Variants in SLC4A4 observed in about 807,000 individuals in gnomAD.
SLC4A4 encodes the protein electrogenic sodium bicarbonate cotransporter 1.
Under a neutral mutation model 111.5 loss-of-function variants are expected in SLC4A4, and 27 were observed. The ratio of observed to expected loss-of-function variants is 0.24; its 90% CI spans 0.18 to 0.33. The LOEUF (loss-of-function observed/expected upper bound fraction) is 0.33, where lower values mean the gene tolerates loss of function less well. Among genes scored for constraint, SLC4A4 ranks in the 10% least tolerant of loss-of-function variants. SLC4A4 has a pLI of 1.00. For synonymous variants in SLC4A4, 443 were observed against 463.4 expected (o/e 0.96, Z 0.57); for missense variants, 909 against 1,315.5 (o/e 0.69, Z 4.78).
chr4:71,479,916 G>A (rs901723723), intron 14 of SLC4A4, among the ~76,000 whole-genome samples: 11 of 151,514 alleles, frequency 7.3e-5, no homozygotes, highest in Non-Finnish European at 1.3e-4. Context: ...AAGCAGATTT[G>A]TAAAAGTTTC....
intron 2 of SLC4A4, among the ~76,000 whole-genome samples, chr4:71,112,302 C>G (rs1272290189): frequency 1.3e-5 from 2 of 152,202 alleles, no homozygotes; most frequent in Admixed American, 6.5e-5. Flanking sequence ...CTATTTGCGT[C>G]ATAGGAGTTT....
At chr4:71,479,161 C>A (rs1038383397) in intron 14 of SLC4A4, among the ~76,000 whole-genome samples, 3 of 151,682 alleles carry the variant, frequency 2.0e-5, no homozygotes, top group African/African-American at 7.3e-5. Flanking sequence ...TCCAGGAGAA[C>A]ATGCTTAACA....
chr4:71,238,680 C>A (rs915101240), intron 2 of SLC4A4, among the ~76,000 whole-genome samples: 3 of 152,120 alleles, frequency 2.0e-5, no homozygotes, highest in Non-Finnish European at 4.4e-5. Context: ...TTGTGGGTAA[C>A]TTTCAACAGT....
chr4:71,308,453 G>T (rs1203610052), intron 3 of SLC4A4, among the ~76,000 whole-genome samples: 2 of 152,148 alleles, frequency 1.3e-5, no homozygotes, highest in African/African-American at 4.8e-5. Flanking sequence ...AATAGGAAGA[G>T]CTCCAGTCTG....
chr4:71,066,441 C>T (rs1047766894), intron 1 of SLC4A4, among the ~76,000 whole-genome samples: 2 of 152,046 alleles, frequency 1.3e-5, no homozygotes, highest in Admixed American at 6.6e-5. Flanking sequence ...ATTCCCTTTC[C>T]GTGATAACAC....
intron 6 of SLC4A4, among the ~76,000 whole-genome samples, chr4:71,376,156 TACACACACACAC>T (rs146405766): frequency 2.2e-4 from 30 of 135,550 alleles, no homozygotes; most frequent in Non-Finnish European, 3.3e-4. Flanking sequence ...CCTGTATATA[TACACACACACAC>T]ACACACACAC....
chr4:71,568,627 A>C lies in SLC4A4; in HGVS notation c.*876A>C, dbSNP rs1737703159. On this transcript the variant is annotated 3_prime_UTR_variant, in exon 26 of 26. Coordinates refer to ENST00000264485, the MANE Select transcript of SLC4A4 (RefSeq NM_001098484.3). ...GCCACTTATTTTTTGTCAATTTTTA[A>C]AACTTTTTTTTAATTACTGTAAAGA... is the stretch of plus-strand genomic sequence containing the variant. The C allele has an allele frequency of 6.6e-6, 1 of 152,038 alleles. No homozygotes were observed. Among genetic ancestry groups the C allele is most frequent in the African/African-American group, 2.4e-5 (1 of 41,344 alleles). 9.4% of individuals were successfully genotyped at this position (152,038 alleles called of 1,614,324 possible).
intron 2 of SLC4A4, among the ~76,000 whole-genome samples, chr4:71,179,325 A>G (rs1176708742): frequency 6.6e-6 from 1 of 152,176 alleles, no homozygotes; most frequent in East Asian, 1.9e-4. Flanking sequence ...CACCACTCCT[A>G]TTCAACATAG....
chr4:71,244,851 G>C (rs1720527544), intron 2 of SLC4A4, among the ~76,000 whole-genome samples: 1 of 151,506 alleles, frequency 6.6e-6, no homozygotes, highest in South Asian at 2.1e-4. Context: ...GCTTTTCCAG[G>C]CTTATGTGTA....
chr4:71,278,235 C>T (rs759967835), intron 3 of SLC4A4, among the ~76,000 whole-genome samples: 1 of 152,026 alleles, frequency 6.6e-6, no homozygotes, highest in African/African-American at 2.4e-5. Context: ...CTTAGCACAA[C>T]GTCCTCAAAG....
intron 6 of SLC4A4, among the ~76,000 whole-genome samples, chr4:71,385,221 A>C (rs1047524970): frequency 1.1e-4 from 2 of 18,480 alleles, no homozygotes; most frequent in African/African-American, 2.2e-4. Context: ...TTTTTGAGAC[A>C]GAGTTTCACT....
intron 2 of SLC4A4, among the ~76,000 whole-genome samples, chr4:71,166,264 A>G (rs528518010): frequency 6.6e-6 from 1 of 152,326 alleles, no homozygotes; most frequent in South Asian, 2.1e-4. Flanking sequence ...AGGCAAAACA[A>G]ATTGACTTTA....
At position 71,233,640 on chromosome 4, in the gene SLC4A4, G is replaced by T. The variant is rs530152393; in HGVS notation, c.-1-2936G>T. ...TTTATCTCTAATCCTGAGCCTCTGA[G>T]CTCCAGACTCAGACATCTACTTGTA... On this transcript the variant is annotated intron_variant, in intron 1 of 25. Coordinates refer to ENST00000264485, the MANE Select transcript of SLC4A4 (RefSeq NM_001098484.3). Among the ~76,000 whole-genome samples, 32 of 152,170 alleles carry T rather than the reference G, an allele frequency of 2.1e-4. 1 individual carries two copies. The highest frequency in any genetic ancestry group is 6.5e-4 in the Admixed American group (10 of 15,284).
intron 1 of SLC4A4, among the ~76,000 whole-genome samples, chr4:71,213,505 A>G (rs1718252747): frequency 6.6e-6 from 1 of 152,180 alleles, no homozygotes; most frequent in African/African-American, 2.4e-5. Flanking sequence ...TTCATGGCAT[A>G]CTAATTGCTC....
In SLC4A4 at chr4:71,534,439, C is replaced by G. The variant is rs752494665; in HGVS notation, c.2442+51C>G. ...ATTGCCTTCTACTTTCTTTTTAGTA[C>G]TTGAAAACACTAATTGATTAAAAAC... On this transcript the variant is annotated intron_variant, in intron 18 of 25. Transcript: ENST00000264485. 7.1e-6 allele frequency: 11 copies of G among 1,547,124 alleles called. No homozygotes were observed. The South Asian group carries it at 1.1e-4, about 16-fold the overall frequency.
intron 21 of SLC4A4, among the ~76,000 whole-genome samples, chr4:71,555,672 G>A (rs1287292959): frequency 2.0e-5 from 3 of 151,910 alleles, no homozygotes; most frequent in Non-Finnish European, 2.9e-5. Context: ...TAAAGTCAAT[G>A]TGGTTGATGT....
At chr4:71,256,873 CTCTCTT>C (rs1721493658) in intron 3 of SLC4A4, among the ~76,000 whole-genome samples, 1 of 152,226 alleles carries the variant, frequency 6.6e-6, no homozygotes, top group Admixed American at 6.5e-5. Context: ...TGTCTACTCT[CTCTCTT>C]TCTCTCCTCT....
intron 1 of SLC4A4, among the ~76,000 whole-genome samples, chr4:71,216,950 T>A (rs1364770729): frequency 6.6e-6 from 1 of 152,152 alleles, no homozygotes; most frequent in African/African-American, 2.4e-5. Flanking sequence ...AACTGAACAA[T>A]GTGGGTATTA....
intron 24 of SLC4A4, 121 bp from the exon 25 acceptor site, chr4:71,566,883 G>A: frequency 1.4e-6 from 1 of 699,868 alleles, no homozygotes; most frequent in Non-Finnish European, 2.4e-6. Context: ...TTATTGAAAT[G>A]CCTAAACTTG....
Sources: allele counts gnomAD v4.1 joint callset (sites outside exome capture counted in the v4.1 genomes callset), GRCh38; gene constraint gnomAD v4.1.1; transcripts MANE v1.5; gene names NCBI Gene and HGNC (gene_info 2026-07-23, HGNC 2026-07-21).